Variants in INVS observed in about 807,000 individuals in gnomAD.
The protein encoded by INVS is inversin, also known as inversion of embryo turning homolog.
INVS carries 86 observed loss-of-function variants against 108.8 expected under a neutral mutation model. The observed-to-expected ratio is 0.79, with a 90% CI of 0.66 to 0.95. The LOEUF (loss-of-function observed/expected upper bound fraction) is 0.95. INVS is among the 40% of genes least tolerant of loss of function. The probability of loss-of-function intolerance (pLI) is 0.00; values close to 1 mark genes in which losing one functional copy is unlikely to be tolerated. For synonymous variants in INVS, 455 were observed against 473.5 expected, an observed-to-expected ratio of 0.96 and a Z score of 0.51; for missense variants, 1,169 against 1,297.4, an observed-to-expected ratio of 0.90 and a Z score of 1.52.
intron 3 of INVS, among the ~76,000 whole-genome samples, chr9:100,140,813 C>T (rs912138174): frequency 1.3e-5 from 2 of 151,808 alleles, no homozygotes; most frequent in Non-Finnish European, 2.9e-5. Flanking sequence ...GAGAAACGTT[C>T]GTCATTTAGA....
chr9:100,109,502 A>C (rs1488980735), intron 2 of INVS, among the ~76,000 whole-genome samples: 2 of 152,214 alleles, frequency 1.3e-5, no homozygotes, highest in Non-Finnish European at 2.9e-5. Context: ...GTAAATATGC[A>C]TGGTGTGTAA....
intron 11 of INVS, among the ~76,000 whole-genome samples, chr9:100,266,107 G>A (rs373434346): frequency 6.6e-6 from 1 of 152,030 alleles, no homozygotes; most frequent in Non-Finnish European, 1.5e-5. Flanking sequence ...AGAATGTGAA[G>A]TCTAAGGAAT....
At chr9:100,212,500 C>A (rs1355198256) in intron 3 of INVS, among the ~76,000 whole-genome samples, 2 of 152,106 alleles carry the variant, frequency 1.3e-5, no homozygotes, top group East Asian at 3.8e-4. Flanking sequence ...TCCCCAACAA[C>A]CTTTTCTTTT....
intron 3 of INVS, among the ~76,000 whole-genome samples, chr9:100,142,485 T>C (rs1828463841): frequency 6.6e-6 from 1 of 151,864 alleles, no homozygotes; most frequent in Non-Finnish European, 1.5e-5. Context: ...AAGAAGGAAA[T>C]ACGGGGAAAT....
At chr9:100,253,323 TTATAA>T (rs1256860473) in intron 10 of INVS, among the ~76,000 whole-genome samples, 187 bp downstream of exon 10, 1 of 152,146 alleles carries the variant, frequency 6.6e-6, no homozygotes, top group South Asian at 2.1e-4. Flanking sequence ...TTTAACATAG[TTATAA>T]TATAGGCTGG....
chr9:100,245,571 C>T (rs563743675), intron 7 of INVS, among the ~76,000 whole-genome samples: 13 of 152,092 alleles, frequency 8.5e-5, no homozygotes, highest in Non-Finnish European at 1.8e-4. Flanking sequence ...TGAGCCACTG[C>T]GCCCGGCCCA....
At chr9:100,277,795 T>G (rs1833154938) in intron 12 of INVS, among the ~76,000 whole-genome samples, 1 of 152,124 alleles carries the variant, frequency 6.6e-6, no homozygotes. Flanking sequence ...AATGAAGAGA[T>G]AAAAATCTGA....
chr9:100,170,039 C>T (rs1162291690), intron 3 of INVS, among the ~76,000 whole-genome samples: 1 of 152,116 alleles, frequency 6.6e-6, no homozygotes, highest in African/African-American at 2.4e-5. Flanking sequence ...CTTGTGTAAT[C>T]CACAGTGAAG....
rs547046493 is a variant in INVS at position 100,285,084 on chromosome 9, C to G, written c.2068+481C>G. Among the ~76,000 whole-genome samples, 3 of 152,164 alleles carry G rather than the reference C, an allele frequency of 2.0e-5. 1 individual carries two copies. Among genetic ancestry groups the G allele is most frequent in the Non-Finnish European group, 4.4e-5 (3 of 68,032 alleles). ...TATCATTTCCTTTCTGTATGAAGAG[C>G]TTTCTATGGCCAATCTTTAAGGGTA... is the stretch of plus-strand genomic sequence containing the variant. On this transcript the variant is annotated intron_variant, in intron 13 of 16. Transcript: ENST00000262457.
At chr9:100,101,852 C>T (rs1163581581) in intron 1 of INVS, 1 of 152,188 alleles carries the variant, frequency 6.6e-6, no homozygotes. Context: ...TACCGTGATT[C>T]TGTGACTCCC....
At chr9:100,133,582 C>G (rs1828118016) in intron 3 of INVS, among the ~76,000 whole-genome samples, 1 of 151,870 alleles carries the variant, frequency 6.6e-6, no homozygotes, top group African/African-American at 2.4e-5. Flanking sequence ...TAATTAGAAG[C>G]AAATTAAAAC....
At chr9:100,117,613 C>T (rs1366183570) in intron 2 of INVS, 1 of 640,292 alleles carries the variant, frequency 1.6e-6, no homozygotes, top group South Asian at 1.9e-5. Context: ...CCCCCCGCCC[C>T]CCCCGCCCAC....
intron 3 of INVS, among the ~76,000 whole-genome samples, chr9:100,140,627 A>G (rs1036773412): frequency 6.6e-6 from 1 of 152,122 alleles, no homozygotes; most frequent in African/African-American, 2.4e-5. Context: ...AAATAAAACA[A>G]AATAGTGGTG....
intron 10 of INVS, among the ~76,000 whole-genome samples, chr9:100,260,725 C>T (rs1832596022): frequency 6.6e-6 from 1 of 151,990 alleles, no homozygotes; most frequent in African/African-American, 2.4e-5. Flanking sequence ...CCTAAGATAA[C>T]AACAGTGGGG....
At chr9:100,124,177 A>T (rs1209867292) in intron 2 of INVS, among the ~76,000 whole-genome samples, 40 of 144,090 alleles carry the variant, frequency 2.8e-4, no homozygotes, top group African/African-American at 4.1e-4. Context: ...TTTGTTTCTG[A>T]GTGTGTGTGT....
chr9:100,247,336 A>G (rs1423094247), intron 8 of INVS, among the ~76,000 whole-genome samples: 8 of 152,106 alleles, frequency 5.3e-5, no homozygotes, highest in Admixed American at 5.2e-4. Context: ...CTCTTACTAG[A>G]TACTTCTTTT....
rs577902207 is a variant in INVS at position 100,297,698 on chromosome 9, A to G, written c.3017-238A>G. 8.5e-5 allele frequency among the ~76,000 whole-genome samples: 13 copies of G among 152,362 alleles called. No homozygotes were observed. In the East Asian group the frequency reaches 2.3e-3, roughly 27 times the overall value. The stretch of plus-strand genomic sequence containing the variant: ...AGAGTTCAAGAAGCCTTGCTGGCTC[A>G]AGAGAAAAAAAGATAAGCAAGAGCA... On this transcript the variant is annotated intron_variant, in intron 15 of 16. Transcript: ENST00000262457.
intron 7 of INVS, among the ~76,000 whole-genome samples, chr9:100,245,119 A>AAAG (rs1832001426): frequency 2.6e-5 from 4 of 152,170 alleles, no homozygotes; most frequent in African/African-American, 9.7e-5. Context: ...AAACTCTTTT[A>AAAG]CCTCCATTCA....
At position 100,229,828 on chromosome 9, in the gene INVS, G is replaced by A. The variant is rs955421639; in HGVS notation, c.615+1G>A. 6.2e-6 allele frequency: 10 copies of A among 1,613,984 alleles called. No homozygotes were observed. Among genetic ancestry groups the A allele is most frequent in the Non-Finnish European group, 8.5e-6 (10 of 1,179,920 alleles). On this transcript the variant is annotated splice_donor_variant, in intron 5 of 16. Coordinates refer to ENST00000262457, the MANE Select transcript of INVS (RefSeq NM_014425.5). LOFTEE classifies it high-confidence loss of function. ...TGTTCACACAGTGAGATGCATTCTG[G>A]TGAGTTGAATGGTACTGCTAGACCT...
Sources: gnomAD v4.1 joint callset for allele counts (sites outside exome capture counted in the v4.1 genomes callset) on GRCh38, gnomAD v4.1.1 for gene constraint, MANE v1.5 for transcripts, NCBI Gene and HGNC (gene_info 2026-07-23, HGNC 2026-07-21) for gene names.